The following FLT3 variants were observed in gnomAD, a reference collection of about 807,000 sequenced individuals.
The protein encoded by FLT3 is fms related receptor tyrosine kinase 3.
In FLT3, 46 loss-of-function variants were observed where a neutral mutation model predicts 126.6. That is an observed-to-expected ratio of 0.36 (90% CI 0.29 to 0.46). The LOEUF (loss-of-function observed/expected upper bound fraction) is 0.46. FLT3 is among the 20% of genes least tolerant of loss of function. The pLI, the probability that FLT3 is intolerant of heterozygous loss-of-function variation, is 1.00. For missense variants in FLT3, 1,069 were observed against 1,190.3 expected (o/e 0.90, Z 1.50); for synonymous variants, 404 against 434.4 (o/e 0.93, Z 0.87).
chr13:28,062,765 G>C (rs1442784968), intron 2 of FLT3, among the ~76,000 whole-genome samples: 1 of 110,146 alleles, frequency 9.1e-6, no homozygotes, highest in Non-Finnish European at 1.9e-5. Context: ...AAAAAGAGGA[G>C]ATTTGAAGGC....
chr13:28,036,287 G>A (rs1165256433), intron 10 of FLT3, among the ~76,000 whole-genome samples: 1 of 152,178 alleles, frequency 6.6e-6, no homozygotes, highest in African/African-American at 2.4e-5. Flanking sequence ...TTACTCCAGG[G>A]CAGTTTGTGC....
At chr13:28,081,553 G>C (rs773653144) in intron 1 of FLT3, among the ~76,000 whole-genome samples, 1 of 152,142 alleles carries the variant, frequency 6.6e-6, no homozygotes, top group Non-Finnish European at 1.5e-5. Flanking sequence ...TGTAAATAAA[G>C]AGTTTTACAT....
At chr13:28,065,989 TAAATA>T (rs1316162587) in intron 2 of FLT3, among the ~76,000 whole-genome samples, 3 of 151,684 alleles carry the variant, frequency 2.0e-5, no homozygotes, top group African/African-American at 7.3e-5. Flanking sequence ...GAATATATAA[TAAATA>T]AAATAAATAA....
intron 3 of FLT3, among the ~76,000 whole-genome samples, chr13:28,060,606 CT>C (rs1339521150): frequency 9.5e-6 from 1 of 105,692 alleles, no homozygotes; most frequent in African/African-American, 3.4e-5. Flanking sequence ...AGACTTGTTT[CT>C]TTTTTTCTTT....
intron 1 of FLT3, among the ~76,000 whole-genome samples, chr13:28,073,932 C>A (rs12583420): frequency 0.55 from 77,789 of 140,768 alleles, 22,095 homozygotes; most frequent in East Asian, 0.74. Flanking sequence ...AGAGCCAGAT[C>A]CTGCCTCTAA....
chr13:28,010,943 C>T (rs917522952), intron 23 of FLT3, among the ~76,000 whole-genome samples: 3 of 151,824 alleles, frequency 2.0e-5, no homozygotes, highest in Non-Finnish European at 4.4e-5. Flanking sequence ...GTGAAGGTTG[C>T]AGTGAGCGGA....
intron 2 of FLT3, among the ~76,000 whole-genome samples, chr13:28,065,876 C>T (rs1414111348): frequency 6.6e-6 from 1 of 151,818 alleles, no homozygotes; most frequent in Non-Finnish European, 1.5e-5. Flanking sequence ...GTGGCTCACA[C>T]CTGTAATCCC....
chr13:28,096,676 C>G (rs886269585), intron 1 of FLT3, among the ~76,000 whole-genome samples: 2 of 152,118 alleles, frequency 1.3e-5, no homozygotes, highest in African/African-American at 2.4e-5. Context: ...AAGTGATCTG[C>G]CTGCCTCAGC....
At chr13:28,023,268 G>C in intron 19 of FLT3, 82 bp downstream of exon 19, 4 of 1,436,860 alleles carry the variant, frequency 2.8e-6, no homozygotes, top group Non-Finnish European at 3.8e-6. Context: ...AGGGATACAA[G>C]TTAAAATAAA....
chr13:28,095,570 G>A (rs186438399), intron 1 of FLT3, among the ~76,000 whole-genome samples: 9 of 152,134 alleles, frequency 5.9e-5, no homozygotes, highest in East Asian at 5.8e-4. Flanking sequence ...CACCTTGCCC[G>A]GCCCCCTCTC....
chr13:28,042,390 T>C (rs1418505404), intron 9 of FLT3, among the ~76,000 whole-genome samples: 1 of 152,004 alleles, frequency 6.6e-6, no homozygotes, highest in East Asian at 1.9e-4. Flanking sequence ...AATGGTACCT[T>C]ATTTCATGTT....
At chr13:28,007,160 AAAG>A (rs1870979726) in intron 23 of FLT3, among the ~76,000 whole-genome samples, 1 of 152,340 alleles carries the variant, frequency 6.6e-6, no homozygotes, top group African/African-American at 2.4e-5. Flanking sequence ...GTATCATTAT[AAAG>A]AAGTATATAA....
intron 3 of FLT3, among the ~76,000 whole-genome samples, chr13:28,060,463 AT>A (rs1164040302): frequency 5.2e-4 from 8 of 15,482 alleles, no homozygotes; most frequent in African/African-American, 1.0e-3. Flanking sequence ...AGGTAAAAAT[AT>A]TTAAAAAAAA....
chr13:28,092,191 T>C (rs1246430047), intron 1 of FLT3, among the ~76,000 whole-genome samples: 2 of 152,102 alleles, frequency 1.3e-5, no homozygotes, highest in African/African-American at 4.8e-5. Flanking sequence ...AAATGGAAAT[T>C]TAACTCACCT....
chr13:28,072,127 AT>A (rs148777396), intron 1 of FLT3, among the ~76,000 whole-genome samples: 26,565 of 99,390 alleles, frequency 0.27, 2,427 homozygotes, highest in South Asian at 0.41. Flanking sequence ...ACATCATGTA[AT>A]TTTCATATAT....
In FLT3 at chr13:28,034,422, T is replaced by C. The variant is rs757792006; in HGVS notation, c.1598-15A>G. 1 of 1,563,132 alleles carries C rather than the reference T, an allele frequency of 6.4e-7. No homozygotes were observed. The highest frequency in any genetic ancestry group is 8.8e-7 in the Non-Finnish European group (1 of 1,134,600). ...AGGGAAGGGGCCTGCAACAAAAGAG[T>C]GTCACTCAGCGATGAAACAGAATTC... is the stretch of plus-strand genomic sequence containing the variant. On this transcript the variant is annotated splice_polypyrimidine_tract_variant and intron_variant, in intron 12 of 23. Transcript: ENST00000241453.
intron 1 of FLT3, among the ~76,000 whole-genome samples, chr13:28,093,579 A>G (rs1879264017): frequency 6.6e-6 from 1 of 152,182 alleles, no homozygotes; most frequent in African/African-American, 2.4e-5. Flanking sequence ...TCGGAATGAA[A>G]TCATAGTTTT....
chr13:28,083,251 T>C (rs1214143687), intron 1 of FLT3, among the ~76,000 whole-genome samples: 1 of 152,226 alleles, frequency 6.6e-6, no homozygotes, highest in Non-Finnish European at 1.5e-5. Context: ...GACTTGGTTT[T>C]GTTCTTTTTT....
chr13:28,037,334 G>A (rs779621944), intron 9 of FLT3, 46 bp from the exon 10 acceptor site: 83 of 1,135,216 alleles, frequency 7.3e-5, no homozygotes, highest in Non-Finnish European at 1.1e-4. Flanking sequence ...ATTGCTACAG[G>A]AGATGCTGCA....
Sources: allele counts gnomAD v4.1 joint callset (sites outside exome capture counted in the v4.1 genomes callset), GRCh38; gene constraint gnomAD v4.1.1; transcripts MANE v1.5; gene names NCBI Gene and HGNC (gene_info 2026-07-23, HGNC 2026-07-21).